DAB1: variants seen among roughly 807,000 people sequenced by gnomAD.
The protein encoded by DAB1 is DAB adaptor protein 1.
A neutral mutation model predicts 64.6 loss-of-function variants in DAB1; 15 were observed. The observed-to-expected ratio is 0.23, with a 90% CI of 0.16 to 0.36. DAB1 has a LOEUF of 0.36. Ranked by LOEUF, DAB1 falls within the 10% of genes least tolerant of loss-of-function variation. DAB1 has a pLI of 1.00. For synonymous variants in DAB1, 235 were observed against 251.9 expected, an observed-to-expected ratio of 0.93 and a Z score of 0.64; for missense variants, 596 against 706.7, an observed-to-expected ratio of 0.84 and a Z score of 1.78.
At chr1:57,472,942 T>C (rs1687194275) in intron 7 of DAB1, among the ~76,000 whole-genome samples, 1 of 152,238 alleles carries the variant, frequency 6.6e-6, no homozygotes, top group Non-Finnish European at 1.5e-5. Flanking sequence ...TTTCTGACTT[T>C]GGATTTTAAG....
At chr1:57,310,145 A>G (rs189060966) in intron 1 of DAB1, among the ~76,000 whole-genome samples, 1 of 152,336 alleles carries the variant, frequency 6.6e-6, no homozygotes, top group African/African-American at 2.4e-5. Context: ...CAAGTATACA[A>G]TGTGTCAGGT....
chr1:57,927,537 A>T (rs1233238231), intron 5 of DAB1, among the ~76,000 whole-genome samples: 3 of 152,124 alleles, frequency 2.0e-5, no homozygotes, highest in Non-Finnish European at 4.4e-5. Flanking sequence ...AAAACAAAAC[A>T]AAAAACCAAC....
At chr1:57,191,602 C>A (rs573190914) in intron 2 of DAB1, among the ~76,000 whole-genome samples, 16 of 152,150 alleles carry the variant, frequency 1.1e-4, no homozygotes, top group Non-Finnish European at 2.2e-4. Context: ...CAGTGTTCTA[C>A]AACTCATCCT....
intron 2 of DAB1, among the ~76,000 whole-genome samples, chr1:57,166,366 A>G (rs1352322469): frequency 1.3e-5 from 2 of 152,234 alleles, no homozygotes; most frequent in Non-Finnish European, 2.9e-5. Flanking sequence ...AAAGAGAGAT[A>G]CAAATTATAG....
chr1:57,533,950 A>G (rs922944766), intron 7 of DAB1, among the ~76,000 whole-genome samples: 9 of 152,184 alleles, frequency 5.9e-5, no homozygotes, highest in Admixed American at 3.9e-4. Flanking sequence ...TACTGAAGAC[A>G]CTAGCCAGTC....
chr1:58,036,035 G>A (rs571514644), intron 5 of DAB1, among the ~76,000 whole-genome samples: 3 of 152,136 alleles, frequency 2.0e-5, no homozygotes, highest in African/African-American at 7.2e-5. Flanking sequence ...GCCTGGGGTG[G>A]GGCTATAGGA....
At chr1:57,398,081 G>T (rs1156369905) in intron 1 of DAB1, among the ~76,000 whole-genome samples, 1 of 152,116 alleles carries the variant, frequency 6.6e-6, no homozygotes, top group Admixed American at 6.5e-5. Context: ...GACTGCCCAA[G>T]TTTACCAGAG....
chr1:57,346,966 A>C (rs1195096771), intron 1 of DAB1, among the ~76,000 whole-genome samples: 2 of 152,224 alleles, frequency 1.3e-5, no homozygotes, highest in African/African-American at 4.8e-5. Flanking sequence ...GGCAAAATCC[A>C]TGAAGCTTAC....
intron 5 of DAB1, among the ~76,000 whole-genome samples, chr1:57,991,569 C>T (rs777588493): frequency 5.9e-5 from 9 of 152,016 alleles, no homozygotes; most frequent in African/African-American, 1.4e-4. Flanking sequence ...AGCCCAAGAC[C>T]GGGCATGATG....
In DAB1 at chr1:57,343,704, T is replaced by TG. The variant is rs552456558; in HGVS notation, c.-136-52539dup. Among the ~76,000 whole-genome samples the TG allele has an allele frequency of 8.6e-5, 13 of 151,124 alleles. No homozygotes were observed. The South Asian group carries it at 2.9e-3, about 33-fold the overall frequency. On this transcript the variant is annotated intron_variant, in intron 1 of 14. Transcript: ENST00000371236. The stretch of plus-strand genomic sequence containing the variant: ...TGGGGCCGGCCGGCCGCTCCAAGTG[T>TG]GGGGTCCGCGGAGCCCACGCCCACC...
chr1:58,122,540 T>C (rs1025041235), intron 5 of DAB1, among the ~76,000 whole-genome samples: 3 of 152,100 alleles, frequency 2.0e-5, no homozygotes, highest in Admixed American at 6.6e-5. Context: ...TTAGTAGTTA[T>C]TGGTATTAGG....
chr1:58,126,784 G>A (rs1312739805), intron 5 of DAB1, among the ~76,000 whole-genome samples: 4 of 151,820 alleles, frequency 2.6e-5, no homozygotes, highest in Admixed American at 6.6e-5. Context: ...CAAAGGACAT[G>A]AACCCATCAT....
intron 2 of DAB1, among the ~76,000 whole-genome samples, chr1:58,525,071 C>A (rs1302033319): frequency 2.0e-5 from 3 of 152,184 alleles, no homozygotes; most frequent in Non-Finnish European, 2.9e-5. Flanking sequence ...GTTTACATTT[C>A]TCTCAACTGC....
chr1:58,127,170 A>G (rs1270117614), intron 5 of DAB1, among the ~76,000 whole-genome samples: 12 of 151,826 alleles, frequency 7.9e-5, no homozygotes, highest in Non-Finnish European at 1.8e-4. Flanking sequence ...GTGAGATGGT[A>G]TCTCATTGTG....
At chr1:57,908,506 C>T (rs745962793) in intron 5 of DAB1, among the ~76,000 whole-genome samples, 1 of 152,312 alleles carries the variant, frequency 6.6e-6, no homozygotes, top group South Asian at 2.1e-4. Flanking sequence ...CTATCCTCTC[C>T]TCCAGCAATT....
chr1:57,357,431 C>T (rs924183724), intron 1 of DAB1, among the ~76,000 whole-genome samples: 1 of 151,854 alleles, frequency 6.6e-6, no homozygotes, highest in Non-Finnish European at 1.5e-5. Flanking sequence ...GCTTTACCAA[C>T]CCCATAGTAC....
chr1:58,002,412 A>C (rs1373810675), intron 5 of DAB1, among the ~76,000 whole-genome samples: 2 of 152,228 alleles, frequency 1.3e-5, no homozygotes, highest in African/African-American at 4.8e-5. Flanking sequence ...TCTTAAAGAT[A>C]ATACATTGTT....
intron 4 of DAB1, among the ~76,000 whole-genome samples, chr1:57,112,048 T>C (rs17420013): frequency 0.013 from 1,993 of 152,328 alleles, 32 homozygotes; most frequent in Admixed American, 0.052. Context: ...TTATTAAAAG[T>C]ATCTAACACA....
chr1:57,408,912 T>A (rs1262874808), intron 1 of DAB1, among the ~76,000 whole-genome samples: 2 of 152,076 alleles, frequency 1.3e-5, no homozygotes, highest in African/African-American at 2.4e-5. Flanking sequence ...TGATTTCCAG[T>A]TAGATTCACT....
Sources: allele counts gnomAD v4.1 joint callset (sites outside exome capture counted in the v4.1 genomes callset), GRCh38; gene constraint gnomAD v4.1.1; transcripts MANE v1.5; gene names NCBI Gene and HGNC (gene_info 2026-07-23, HGNC 2026-07-21).